Variants in PLA2R1 observed in about 807,000 individuals in gnomAD.
PLA2R1 encodes secretory phospholipase A2 receptor.
PLA2R1 carries 158 observed loss-of-function variants against 195.9 expected under a neutral mutation model. The ratio of observed to expected loss-of-function variants is 0.81; its 90% CI spans 0.71 to 0.92. The LOEUF (loss-of-function observed/expected upper bound fraction) is 0.92, where lower values mean the gene tolerates loss of function less well. Ranked by LOEUF, PLA2R1 falls within the 40% of genes least tolerant of loss-of-function variation. The pLI is 0.00. For missense variants in PLA2R1, 1,626 were observed against 1,764.6 expected (o/e 0.92, Z 1.41); for synonymous variants, 586 against 598.2 (o/e 0.98, Z 0.30).
intron 9 of PLA2R1, 144 bp downstream of exon 9, chr2:160,016,470 A>AAG: frequency 1.8e-6 from 1 of 554,566 alleles, no homozygotes; most frequent in Non-Finnish European, 3.2e-6. Flanking sequence ...GAAAGGAAAG[A>AAG]AGGGGGGGGT....
Position 159,938,788 on chromosome 2 carries a change from A to G in PLA2R1, c.*2990T>C, listed in dbSNP as rs1291770673. Reference sequence around the variant, plus strand: ...TATATCCAACCACCATTTTGAGAAGAGTAAAGAAACTCCAAAAGACTGAAC... The same window carrying G: ...TATATCCAACCACCATTTTGAGAAGGGTAAAGAAACTCCAAAAGACTGAAC... On this transcript the variant is annotated 3_prime_UTR_variant, in exon 30 of 30. Transcript: ENST00000283243. 1 of 152,236 alleles carries G rather than the reference A, an allele frequency of 6.6e-6. No homozygotes were observed. The highest frequency in any genetic ancestry group is 1.5e-5 in the Non-Finnish European group (1 of 68,054). 9.4% of individuals were successfully genotyped at this position (152,236 alleles called of 1,614,324 possible).
chr2:160,032,772 T>C (rs1409948369), intron 4 of PLA2R1, among the ~76,000 whole-genome samples, 187 bp downstream of exon 4: 1 of 152,152 alleles, frequency 6.6e-6, no homozygotes, highest in Non-Finnish European at 1.5e-5. Context: ...AAGAAAGACA[T>C]CACTGGATGC....
intron 7 of PLA2R1, 48 bp from the exon 8 acceptor site, chr2:160,020,311 A>G: frequency 7.5e-7 from 1 of 1,329,536 alleles, no homozygotes; most frequent in Non-Finnish European, 1.1e-6. Flanking sequence ...TTATTTGCAA[A>G]GGAGATAACA....
intron 3 of PLA2R1, among the ~76,000 whole-genome samples, chr2:160,033,542 C>T (rs1215277801): frequency 6.6e-6 from 1 of 152,092 alleles, no homozygotes; most frequent in Admixed American, 6.5e-5. Context: ...GCATTTCTCC[C>T]TAAATACAAA....
intron 1 of PLA2R1, among the ~76,000 whole-genome samples, chr2:160,057,710 C>A (rs1203924239): frequency 1.3e-5 from 2 of 152,196 alleles, no homozygotes; most frequent in Non-Finnish European, 2.9e-5. Flanking sequence ...TGTCCCTGGA[C>A]TCTCAGCCTC....
At chr2:160,003,603 T>C (rs943547760) in intron 11 of PLA2R1, among the ~76,000 whole-genome samples, 23 of 152,180 alleles carry the variant, frequency 1.5e-4, no homozygotes, top group African/African-American at 4.6e-4. Context: ...ACTTTTTTTA[T>C]TCTATCAAAT....
At chr2:159,975,594 T>C (rs1169128401) in intron 17 of PLA2R1, among the ~76,000 whole-genome samples, 1 of 152,176 alleles carries the variant, frequency 6.6e-6, no homozygotes, top group Non-Finnish European at 1.5e-5. Context: ...CATCCCTCAT[T>C]TGAGCTTAAT....
chr2:159,969,326 G>C lies in PLA2R1; in HGVS notation c.2694C>G (p.Asn898Lys). 6.2e-7 allele frequency: 1 copy of C among 1,606,606 alleles called. No individual in the cohort carries two copies. Among genetic ancestry groups the C allele is most frequent in the African/African-American group, 1.3e-5 (1 of 74,854 alleles). The change falls in exon 19 of 30, where the codon AAC (asparagine) becomes AAG (lysine). Residue 898 changes from asparagine to lysine, a missense_variant. Transcript: ENST00000283243. ...CAGTTCTTTCTCTTCCTGTGTCCCA[G>C]TTCTGGTATATCACTGGTGTTCCAT... ...WRDGTPVIYQ[N>K]WDTGRERTVN...
chr2:160,013,486 T>C (rs1344675978), intron 9 of PLA2R1, 111 bp from the exon 10 acceptor site: 2 of 522,936 alleles, frequency 3.8e-6, no homozygotes, highest in South Asian at 3.3e-5. Flanking sequence ...CTTACTCCTT[T>C]AAAACTCCTT....
chr2:160,029,341 G>T (rs749002040), intron 4 of PLA2R1, among the ~76,000 whole-genome samples: 30 of 152,182 alleles, frequency 2.0e-4, no homozygotes, highest in Non-Finnish European at 2.9e-4. Flanking sequence ...GTGAACAGAG[G>T]CACATCTTCA....
chr2:159,929,088 T>C (rs969093476), downstream of PLA2R1, among the ~76,000 whole-genome samples: 1 of 152,216 alleles, frequency 6.6e-6, no homozygotes, highest in Non-Finnish European at 1.5e-5. Context: ...AGACATTGGC[T>C]TAGGCAAAGA....
chr2:160,015,144 A>T (rs796399218), intron 9 of PLA2R1, among the ~76,000 whole-genome samples: 80 of 152,344 alleles, frequency 5.3e-4, no homozygotes, highest in African/African-American at 1.9e-3. Context: ...ATATCAGTTA[A>T]CCCTTTGTAC....
chr2:160,058,879 A>G (rs1036882634), intron 1 of PLA2R1, among the ~76,000 whole-genome samples: 1 of 152,210 alleles, frequency 6.6e-6, no homozygotes, highest in Non-Finnish European at 1.5e-5. Context: ...ACTCAAGTGC[A>G]TTACATTTAT....
At chr2:159,929,168 A>G (rs1686538091), downstream of PLA2R1, among the ~76,000 whole-genome samples, 1 of 152,244 alleles carries the variant, frequency 6.6e-6, no homozygotes, top group Non-Finnish European at 1.5e-5. Flanking sequence ...TAATTAAACT[A>G]AAGAGCTTCT....
In PLA2R1 at chr2:159,934,533, A is replaced by G. The variant is rs1198004039; in HGVS notation, c.*7245T>C. On this transcript the variant is annotated 3_prime_UTR_variant, in exon 30 of 30. Transcript: ENST00000283243. ...TTAAAAGAATCATGAAAGAAGGCAT[A>G]TTGCTTCACGAATTTCTAAGTTGAC... 6.6e-6 allele frequency: 1 copy of G among 152,204 alleles called. No individual in the cohort carries two copies. The highest frequency in any genetic ancestry group is 1.5e-5 in the Non-Finnish European group (1 of 68,036). The allele number at this position is 152,204 out of a possible 1,614,324, so 9.4% of individuals were successfully genotyped here.
intron 10 of PLA2R1, among the ~76,000 whole-genome samples, chr2:160,009,952 T>A (rs1692246507): frequency 6.6e-6 from 1 of 151,194 alleles, no homozygotes; most frequent in African/African-American, 2.4e-5. Flanking sequence ...TGTAAAAAAT[T>A]TTAAAAAATT....
intron 11 of PLA2R1, among the ~76,000 whole-genome samples, chr2:159,988,478 T>G (rs994977781): frequency 1.3e-5 from 2 of 151,974 alleles, no homozygotes; most frequent in Admixed American, 1.3e-4. Flanking sequence ...CAGTAAAAGG[T>G]GTGTTCAAAG....
chr2:159,976,447 C>A (rs1006200709), intron 16 of PLA2R1, among the ~76,000 whole-genome samples: 11 of 151,870 alleles, frequency 7.2e-5, no homozygotes, highest in African/African-American at 2.7e-4. Context: ...ATTAAAAGGT[C>A]GGGGATAGGT....
intron 20 of PLA2R1, among the ~76,000 whole-genome samples, chr2:159,961,362 A>G (rs1189337436): frequency 6.6e-6 from 1 of 152,208 alleles, no homozygotes; most frequent in African/African-American, 2.4e-5. Flanking sequence ...CTGGGTAAAT[A>G]TTGGCCACAC....
Sources: gnomAD v4.1 joint callset for allele counts (sites outside exome capture counted in the v4.1 genomes callset) on GRCh38, gnomAD v4.1.1 for gene constraint, MANE v1.5 for transcripts, NCBI Gene and HGNC (gene_info 2026-07-23, HGNC 2026-07-21) for gene names.